The following NDFIP2 variants were observed in gnomAD, a reference collection of about 807,000 sequenced individuals.
NDFIP2 encodes NEDD4 family-interacting protein 2.
In NDFIP2, 19 loss-of-function variants were observed where a neutral mutation model predicts 36.0. The observed-to-expected ratio is 0.53, with a 90% CI of 0.37 to 0.77. The LOEUF (loss-of-function observed/expected upper bound fraction) is 0.77. NDFIP2 is among the 30% of genes least tolerant of loss of function. The pLI is 0.00. For synonymous variants in NDFIP2, 181 were observed against 167.7 expected (o/e 1.08, Z -0.61); for missense variants, 446 against 435.8 (o/e 1.02, Z -0.21).
At position 79,497,316 on chromosome 13, in the gene NDFIP2, G is replaced by T. The variant is rs55811844; in HGVS notation, c.321+15792G>T. Among the ~76,000 whole-genome samples, 1,171 of 152,064 alleles carry T rather than the reference G, an allele frequency of 7.7e-3. 4 individuals are homozygous for T. Among genetic ancestry groups the T allele is most frequent in the Middle Eastern group, 0.024 (7 of 294 alleles). ...ATGGTTTCCCCTTACTTTCTAGTTT[G>T]CATGGGCTCCATTCCATGCTTCCTC... On this transcript the variant is annotated intron_variant, in intron 1 of 7. Transcript: ENST00000218652.
intron 1 of NDFIP2, among the ~76,000 whole-genome samples, chr13:79,501,202 G>A (rs1873652938): frequency 6.6e-6 from 1 of 151,990 alleles, no homozygotes. Context: ...AGGATTTTTA[G>A]GACAGTGAAA....
intron 1 of NDFIP2, among the ~76,000 whole-genome samples, chr13:79,515,635 G>A (rs1874278624): frequency 6.6e-6 from 1 of 152,162 alleles, no homozygotes; most frequent in Non-Finnish European, 1.5e-5. Flanking sequence ...ACTGCCATAA[G>A]TCAGTTTTAT....
intron 3 of NDFIP2, 29 bp from the exon 4 acceptor site, chr13:79,539,653 T>G: frequency 5.1e-5 from 80 of 1,557,124 alleles, no homozygotes; most frequent in Non-Finnish European, 6.8e-5. Flanking sequence ...TAATTTTTAG[T>G]GAGCTATTCC....
chr13:79,551,282 A>G (rs868266247), intron 7 of NDFIP2, among the ~76,000 whole-genome samples, 160 bp downstream of exon 7: 85 of 151,526 alleles, frequency 5.6e-4, no homozygotes, highest in African/African-American at 2.0e-3. Context: ...TTGATAAGTC[A>G]TAGACCTTTT....
At chr13:79,499,080 A>C (rs563456829) in intron 1 of NDFIP2, among the ~76,000 whole-genome samples, 39 of 152,106 alleles carry the variant, frequency 2.6e-4, no homozygotes, top group Middle Eastern at 3.4e-3. Context: ...TATTCCAACT[A>C]TGCAAGGCTG....
chr13:79,514,290 T>G (rs947972059), intron 1 of NDFIP2, among the ~76,000 whole-genome samples: 1 of 152,222 alleles, frequency 6.6e-6, no homozygotes, highest in Non-Finnish European at 1.5e-5. Context: ...TTCCATCTTA[T>G]GTCATTATGA....
chr13:79,493,888 TA>T (rs1286583998), intron 1 of NDFIP2, among the ~76,000 whole-genome samples: 2 of 151,848 alleles, frequency 1.3e-5, no homozygotes, highest in Non-Finnish European at 2.9e-5. Flanking sequence ...ACCATCATAT[TA>T]AAAAAAATCA....
intron 1 of NDFIP2, among the ~76,000 whole-genome samples, chr13:79,490,247 G>A (rs907902097): frequency 6.6e-6 from 1 of 152,154 alleles, no homozygotes; most frequent in Non-Finnish European, 1.5e-5. Flanking sequence ...CAGGCCCCTG[G>A]CACATGCTCC....
chr13:79,545,760 G>A (rs113482975), intron 5 of NDFIP2, among the ~76,000 whole-genome samples: 3 of 151,900 alleles, frequency 2.0e-5, no homozygotes, highest in African/African-American at 7.3e-5. Context: ...TTGTGGAGAC[G>A]GGGTCTCACT....
At chr13:79,548,426 T>C in intron 6 of NDFIP2, 32 bp downstream of exon 6, 1 of 1,472,966 alleles carries the variant, frequency 6.8e-7, no homozygotes. Flanking sequence ...TTAGTTTAAC[T>C]TGGATATTTC....
Position 79,551,050 on chromosome 13 carries a change from A to C in NDFIP2, c.941A>C (p.Tyr314Ser). Reference sequence around the variant, plus strand: ...CTTTTCTTCAGAGGATTTGTTAATTATCTAAAAGTCAGAAACATGTCTGAA... The same window carrying C: ...CTTTTCTTCAGAGGATTTGTTAATTCTCTAAAAGTCAGAAACATGTCTGAA... ...LLLFFRGFVN[Y>S]LKVRNMSESM... is the part of the protein sequence containing the mutation. The change falls in exon 7 of 8, where the codon TAT (tyrosine) becomes TCT (serine). Residue 314 changes from tyrosine to serine, a missense_variant. Around this residue, in one of 2 missense-constraint regions of NDFIP2, gnomAD observed 77 missense variants for 131.0 expected, o/e 0.59. Transcript: ENST00000218652. 6.2e-7 allele frequency: 1 copy of C among 1,603,200 alleles called. No individual in the cohort carries two copies. Among genetic ancestry groups the C allele is most frequent in the Non-Finnish European group, 8.5e-7 (1 of 1,174,326 alleles).
At chr13:79,512,111 T>G (rs958436130) in intron 1 of NDFIP2, among the ~76,000 whole-genome samples, 2 of 152,214 alleles carry the variant, frequency 1.3e-5, no homozygotes, top group Non-Finnish European at 2.9e-5. Context: ...TGACTAATTT[T>G]TGTTACATGC....
chr13:79,515,181 A>G (rs1874239299), intron 1 of NDFIP2, among the ~76,000 whole-genome samples: 1 of 152,200 alleles, frequency 6.6e-6, no homozygotes, highest in South Asian at 2.1e-4. Context: ...GAGTATTTGT[A>G]TATATAAACA....
At chr13:79,501,173 A>G (rs1436486339) in intron 1 of NDFIP2, among the ~76,000 whole-genome samples, 1 of 152,034 alleles carries the variant, frequency 6.6e-6, no homozygotes, top group African/African-American at 2.4e-5. Flanking sequence ...GGAGGGAGGG[A>G]TGAATAGGTG....
intron 4 of NDFIP2, among the ~76,000 whole-genome samples, chr13:79,542,494 T>G (rs1875493390): frequency 6.6e-6 from 1 of 151,764 alleles, no homozygotes; most frequent in Non-Finnish European, 1.5e-5. Flanking sequence ...ATGGTTTTTT[T>G]GTGTTGTTCT....
chr13:79,546,682 A>G lies in NDFIP2; in HGVS notation c.841-1646A>G, dbSNP rs1366819654. ...TCTCTTTGACATCAGGGTGAAGGTA[A>G]TTATATTTTTCACTAGGGAGTAAAT... On this transcript the variant is annotated intron_variant, in intron 5 of 7. Transcript: ENST00000218652. 3.3e-5 allele frequency among the ~76,000 whole-genome samples: 5 copies of G among 152,166 alleles called. 1 individual carries two copies. Among genetic ancestry groups the G allele is most frequent in the Admixed American group, 3.3e-4 (5 of 15,270 alleles).
At chr13:79,533,000 T>G (rs569229987) in intron 2 of NDFIP2, among the ~76,000 whole-genome samples, 1 of 152,352 alleles carries the variant, frequency 6.6e-6, no homozygotes, top group African/African-American at 2.4e-5. Context: ...TGCATACTAA[T>G]AAGCACATAG....
chr13:79,513,487 C>G (rs987663198), intron 1 of NDFIP2, among the ~76,000 whole-genome samples: 3 of 152,154 alleles, frequency 2.0e-5, no homozygotes, highest in Non-Finnish European at 4.4e-5. Context: ...AGCTGAACAT[C>G]ATCCCATGAT....
intron 2 of NDFIP2, among the ~76,000 whole-genome samples, chr13:79,524,990 A>G (rs1034103761): frequency 6.6e-6 from 1 of 152,200 alleles, no homozygotes; most frequent in African/African-American, 2.4e-5. Flanking sequence ...TTTGGATGGT[A>G]TCCTTTCTCC....
Sources: gnomAD v4.1 joint callset for allele counts (sites outside exome capture counted in the v4.1 genomes callset) on GRCh38, gnomAD v4.1.1 for gene constraint, gnomAD v4.1.1 regional missense constraint, MANE v1.5 for transcripts, NCBI Gene and HGNC (gene_info 2026-07-23, HGNC 2026-07-21) for gene names.